The following SEPTIN11 variants were observed in gnomAD, a reference collection of about 807,000 sequenced individuals.
The protein encoded by SEPTIN11 is septin-11.
SEPTIN11 carries 25 observed loss-of-function variants against 51.4 expected under a neutral mutation model. The ratio of observed to expected loss-of-function variants is 0.49; its 90% confidence interval spans 0.35 to 0.68. The LOEUF is 0.68. Ranked by LOEUF, SEPTIN11 falls within the 30% of genes least tolerant of loss-of-function variation. SEPTIN11 has a pLI of 0.00. For missense variants in SEPTIN11, 381 were observed against 520.8 expected, an observed-to-expected ratio of 0.73 and a Z score of 2.61; for synonymous variants, 174 against 184.1, an observed-to-expected ratio of 0.95 and a Z score of 0.44.
At chr4:76,965,127 G>T (rs1721980344) in intron 1 of SEPTIN11, among the ~76,000 whole-genome samples, 1 of 152,138 alleles carries the variant, frequency 6.6e-6, no homozygotes, top group South Asian at 2.1e-4. Flanking sequence ...TTGTTAGAGA[G>T]AAATGTTTTC....
chr4:76,995,280 G>A (rs1162160618), intron 1 of SEPTIN11, among the ~76,000 whole-genome samples: 1 of 152,076 alleles, frequency 6.6e-6, no homozygotes, highest in Non-Finnish European at 1.5e-5. Context: ...TACTCGGGAG[G>A]CTGAGGCACT....
At chr4:76,960,956 CTG>C (rs1309993903) in intron 1 of SEPTIN11, among the ~76,000 whole-genome samples, 1 of 152,190 alleles carries the variant, frequency 6.6e-6, no homozygotes, top group Non-Finnish European at 1.5e-5. Flanking sequence ...TCATTCATGA[CTG>C]TGCAGCATCA....
chr4:77,016,611 T>TATATATATAC (rs1553975016), intron 5 of SEPTIN11, among the ~76,000 whole-genome samples: 1 of 82,886 alleles, frequency 1.2e-5, no homozygotes, highest in African/African-American at 5.5e-5. Context: ...TATATATATA[T>TATATATATAC]ACACATATAT....
At chr4:77,005,343 T>G (rs949764147) in intron 2 of SEPTIN11, among the ~76,000 whole-genome samples, 2 of 152,358 alleles carry the variant, frequency 1.3e-5, no homozygotes, top group African/African-American at 4.8e-5. Context: ...ATTTTTCTAT[T>G]CAGAGGTAAA....
chr4:77,023,301 C>A (rs905707258), intron 7 of SEPTIN11, among the ~76,000 whole-genome samples: 8 of 140,014 alleles, frequency 5.7e-5, no homozygotes, highest in South Asian at 2.2e-4. Context: ...CACACACACA[C>A]AATATATATA....
downstream of SEPTIN11, chr4:77,040,085 G>C (rs1727274443): frequency 6.6e-6 from 1 of 152,150 alleles, no homozygotes; most frequent in Admixed American, 6.5e-5. Context: ...TGTTTAAAAT[G>C]TGCCGGTGTT....
intron 4 of SEPTIN11, among the ~76,000 whole-genome samples, chr4:77,012,947 T>G (rs1252361003): frequency 2.0e-5 from 3 of 152,206 alleles, no homozygotes; most frequent in Non-Finnish European, 4.4e-5. Context: ...CCCATCTGAT[T>G]CCTCAGCTCC....
chr4:76,985,846 C>A (rs563052429), intron 1 of SEPTIN11, among the ~76,000 whole-genome samples: 50 of 152,270 alleles, frequency 3.3e-4, no homozygotes, highest in Non-Finnish European at 5.7e-4. Context: ...GTTGAAACAA[C>A]AAGGCGCTTA....
intron 1 of SEPTIN11, among the ~76,000 whole-genome samples, chr4:76,955,945 C>T (rs1370578986): frequency 6.6e-6 from 1 of 152,166 alleles, no homozygotes; most frequent in East Asian, 1.9e-4. Flanking sequence ...GATGGTAGGA[C>T]TCTTTCCACC....
intron 3 of SEPTIN11, among the ~76,000 whole-genome samples, chr4:77,007,266 C>T (rs1015801475): frequency 6.6e-6 from 1 of 152,192 alleles, no homozygotes; most frequent in Admixed American, 6.5e-5. Flanking sequence ...AGAATATACC[C>T]AGAGCAAGGC....
Position 77,037,359 on chromosome 4 carries a change from A to AG in SEPTIN11, c.*2847_*2848insG. The AG allele has an allele frequency of 2.8e-6, 1 of 356,162 alleles. No homozygotes were observed. The highest frequency in any genetic ancestry group is 2.6e-5 in the African/African-American group (1 of 38,216). 22.1% of individuals were successfully genotyped at this position (356,162 alleles called of 1,614,324 possible). A position where few individuals can be genotyped will look rare whatever the true frequency, so the allele number is the denominator to read the frequency against. On this transcript the variant is annotated 3_prime_UTR_variant, in exon 10 of 10. Coordinates refer to ENST00000264893, the MANE Select transcript of SEPTIN11 (RefSeq NM_018243.4). ...CCTGGGTGATGAAGTGAGACTCTCCAAAAAAAAAAAAGAAATTATTAATCC... is the reference window on the plus strand; with the variant it reads ...CCTGGGTGATGAAGTGAGACTCTCCAGAAAAAAAAAAAGAAATTATTAATCC...
intron 5 of SEPTIN11, among the ~76,000 whole-genome samples, chr4:77,016,603 T>TAGC (rs2109963196): frequency 1.8e-5 from 1 of 56,138 alleles, no homozygotes; most frequent in African/African-American, 7.8e-5. Flanking sequence ...CACACACATA[T>TAGC]ATATATATAC....
rs137878876 is a variant in SEPTIN11 at position 76,952,454 on chromosome 4, C to T, written c.27+2524C>T. On this transcript the variant is annotated intron_variant, in intron 1 of 9. Coordinates refer to ENST00000264893, the MANE Select transcript of SEPTIN11 (RefSeq NM_018243.4). ...GAAAAATGCAATCTGAATAACTTACCCTAAATTTTTGATATTCTTGAATGG... is the reference window on the plus strand; with the variant it reads ...GAAAAATGCAATCTGAATAACTTACTCTAAATTTTTGATATTCTTGAATGG... Among the ~76,000 whole-genome samples the T allele has an allele frequency of 3.3e-4, 50 of 152,194 alleles. 3 individuals carry two copies. The East Asian group carries it at 8.3e-3, about 25-fold the overall frequency.
intron 1 of SEPTIN11, among the ~76,000 whole-genome samples, chr4:76,967,746 T>A (rs1479893687): frequency 6.6e-6 from 1 of 152,190 alleles, no homozygotes; most frequent in East Asian, 1.9e-4. Context: ...AATAGTTTTT[T>A]TTTTTTTGGT....
At chr4:76,989,042 T>C (rs1723200897) in intron 1 of SEPTIN11, among the ~76,000 whole-genome samples, 1 of 152,252 alleles carries the variant, frequency 6.6e-6, no homozygotes, top group Non-Finnish European at 1.5e-5. Flanking sequence ...TTTATGCATC[T>C]CTAACATCCA....
intron 1 of SEPTIN11, chr4:76,958,813 G>A (rs1721676460): frequency 4.0e-6 from 5 of 1,237,352 alleles, no homozygotes; most frequent in South Asian, 1.3e-5. Context: ...AAAAAAATAA[G>A]TTTTAAATAG....
intron 1 of SEPTIN11, among the ~76,000 whole-genome samples, chr4:76,986,482 C>A (rs1361231898): frequency 6.6e-6 from 1 of 152,144 alleles, no homozygotes; most frequent in Admixed American, 6.5e-5. Flanking sequence ...AATGAGCTGA[C>A]AAAAGATAAA....
In SEPTIN11 at chr4:77,036,245, G is replaced by A. The variant is rs1727017099; in HGVS notation, c.*1733G>A. Reference sequence around the variant, plus strand: ...GTAGTCATAGTCTTCACAGGTTTAGGAGCTACTGGACCAACATTCTTGTTT... The same window carrying A: ...GTAGTCATAGTCTTCACAGGTTTAGAAGCTACTGGACCAACATTCTTGTTT... On this transcript the variant is annotated 3_prime_UTR_variant, in exon 10 of 10. Coordinates refer to ENST00000264893, the MANE Select transcript of SEPTIN11 (RefSeq NM_018243.4). The A allele has an allele frequency of 9.9e-7, 1 of 1,011,622 alleles. No individual in the cohort carries two copies. Among genetic ancestry groups the A allele is most frequent in the East Asian group, 1.1e-4 (1 of 9,268 alleles). The allele number at this position is 1,011,622 out of a possible 1,614,324, so 62.7% of individuals were successfully genotyped here.
chr4:77,008,714 G>GA (rs973092658), intron 3 of SEPTIN11, among the ~76,000 whole-genome samples: 23 of 150,250 alleles, frequency 1.5e-4, no homozygotes, highest in Middle Eastern at 6.4e-3. Flanking sequence ...GAGGTATATG[G>GA]AAAAAAAAAT....
Sources: allele counts gnomAD v4.1 joint callset (sites outside exome capture counted in the v4.1 genomes callset), GRCh38; gene constraint gnomAD v4.1.1; transcripts MANE v1.5; gene names NCBI Gene and HGNC (gene_info 2026-07-23, HGNC 2026-07-21).